ME2: variants seen among roughly 807,000 people sequenced by gnomAD.
The protein encoded by ME2 is malic enzyme 2.
In ME2, 60 loss-of-function variants were observed where a neutral mutation model predicts 73.7. That is an observed-to-expected ratio of 0.81 (90% CI 0.66 to 1.01). The LOEUF is 1.01. Ranked by LOEUF, ME2 falls within the 50% of genes least tolerant of loss-of-function variation. ME2 has a pLI of 0.00. For missense variants in ME2, 594 were observed against 705.5 expected (o/e 0.84, Z 1.79); for synonymous variants, 199 against 236.9 (o/e 0.84, Z 1.47).
intron 3 of ME2, among the ~76,000 whole-genome samples, chr18:50,911,131 C>A (rs752479829): frequency 1.2e-4 from 18 of 152,222 alleles, no homozygotes; most frequent in Non-Finnish European, 2.2e-4. Context: ...TTGAGGAGAT[C>A]CATGACTTGT....
In ME2 at chr18:50,950,915, A is replaced by G. The variant is rs1030192472; in HGVS notation, c.*3731A>G. ...CAGTTCTTTAGCGTTTATGTGTCATATACTTCAAGTTACATGAAAAAGATC... is the reference window on the plus strand; with the variant it reads ...CAGTTCTTTAGCGTTTATGTGTCATGTACTTCAAGTTACATGAAAAAGATC... On this transcript the variant is annotated 3_prime_UTR_variant, in exon 16 of 16. Transcript: ENST00000321341. The G allele has an allele frequency of 6.6e-6, 1 of 152,228 alleles. No homozygotes were observed. Among genetic ancestry groups the G allele is most frequent in the South Asian group, 2.1e-4 (1 of 4,832 alleles). 9.4% of individuals were successfully genotyped at this position (152,228 alleles called of 1,614,324 possible). A position where few individuals can be genotyped will look rare whatever the true frequency, so the allele number is the denominator to read the frequency against.
chr18:50,919,122 A>G (rs1487592710), intron 7 of ME2, among the ~76,000 whole-genome samples: 6 of 151,982 alleles, frequency 3.9e-5, no homozygotes, highest in Non-Finnish European at 7.4e-5. Context: ...CCTGTTTTCC[A>G]TTGCCGCAAT....
chr18:50,941,552 T>TTA (rs1917961041), intron 15 of ME2, among the ~76,000 whole-genome samples: 7 of 151,082 alleles, frequency 4.6e-5, no homozygotes, highest in Admixed American at 2.6e-4. Flanking sequence ...TTTTTGTATT[T>TTA]TTAGTAGAGA....
At position 50,940,281 on chromosome 18, in the gene ME2, T is replaced by C. The variant is rs767323013; in HGVS notation, c.1489-7T>C. 2 of 1,592,440 alleles carry C rather than the reference T, an allele frequency of 1.3e-6. No individual in the cohort carries two copies. Among genetic ancestry groups the C allele is most frequent in the South Asian group, 2.3e-5 (2 of 86,608 alleles). The stretch of plus-strand genomic sequence containing the variant: ...AAACAAAAGCAAAATGCTGTTTTTC[T>C]CTTCAGGCCCTGACAAGCCAATTGA... On this transcript the variant is annotated splice_polypyrimidine_tract_variant and splice_region_variant and intron_variant, in intron 14 of 15. Coordinates refer to ENST00000321341, the MANE Select transcript of ME2 (RefSeq NM_002396.5).
chr18:50,880,095 A>G (rs890194992), intron 1 of ME2, among the ~76,000 whole-genome samples: 7 of 152,222 alleles, frequency 4.6e-5, no homozygotes, highest in African/African-American at 1.4e-4. Flanking sequence ...AGAGGTTAAT[A>G]GCATTGCTAT....
Position 50,917,363 on chromosome 18 carries a change from A to G in ME2, c.485A>G (p.Asp162Gly). The G allele has an allele frequency of 6.2e-7, 1 of 1,613,376 alleles. No homozygotes were observed. The highest frequency in any genetic ancestry group is 8.5e-7 in the Non-Finnish European group (1 of 1,179,558). ...GTGATTAAGGCTGTTGTAGTGACTG[A>G]TGGAGAGAGAATTCTGGGTCTTGGA... ...ENHVKAVVVTDGERILGLGDL... is the reference protein window; with the variant it reads ...ENHVKAVVVTGGERILGLGDL... Residue 162 changes from aspartate to glycine, a missense_variant, in exon 6 of 16, where the codon GAT becomes GGT. Physicochemically the swap from Asp to Gly is moderately conservative, Grantham distance 94. Coordinates refer to ENST00000321341, the MANE Select transcript of ME2 (RefSeq NM_002396.5).
Position 50,912,857 on chromosome 18 carries a change from T to C in ME2, c.299T>C (p.Leu100Pro), listed in dbSNP as rs754706662. ...AATGAGAAATTGTTTTATAGAATAC[T>C]GCAAGATGACATTGAGAGTTTAATG... ...ERNEKLFYRI[L>P]QDDIESLMPI... The change falls in exon 4 of 16, where the codon CTG becomes CCG. Residue 100 changes from leucine to proline, a missense_variant. Leu to Pro is a moderately conservative substitution (Grantham distance 98). Coordinates refer to ENST00000321341, the MANE Select transcript of ME2 (RefSeq NM_002396.5). 6.2e-7 allele frequency: 1 copy of C among 1,608,964 alleles called. No homozygotes were observed.
chr18:50,938,716 T>C (rs1170613502), intron 13 of ME2, among the ~76,000 whole-genome samples: 2 of 151,676 alleles, frequency 1.3e-5, no homozygotes, highest in African/African-American at 4.8e-5. Context: ...GATAAAGGGG[T>C]TTTCTAGGAT....
intron 13 of ME2, 29 bp from the exon 14 acceptor site, chr18:50,939,540 CA>C: frequency 6.8e-7 from 1 of 1,470,538 alleles, no homozygotes; most frequent in Non-Finnish European, 9.5e-7. Flanking sequence ...GAAAAGTGAC[CA>C]TACTAGTAAA....
At chr18:50,904,830 T>C (rs1028170966) in intron 2 of ME2, among the ~76,000 whole-genome samples, 6 of 69,970 alleles carry the variant, frequency 8.6e-5, no homozygotes, top group African/African-American at 2.3e-4. Flanking sequence ...ATACTTGGAG[T>C]TGTTGAGCTT....
At position 50,917,428 on chromosome 18, in the gene ME2, CTTTG is replaced by C. The variant is rs781335627; in HGVS notation, c.556_559del (p.Leu186IlefsTer27). 2.5e-6 allele frequency: 4 copies of C among 1,613,598 alleles called. No homozygotes were observed. Among genetic ancestry groups the C allele is most frequent in the East Asian group, 4.5e-5 (2 of 44,838 alleles). On this transcript the variant is annotated frameshift_variant, in exon 6 of 16. Transcript: ENST00000321341. LOFTEE classifies it high-confidence loss of function. ...TGGAATGGGAATTCCAGTAGGAAAACTTTGTTTGTATACAGCTTGTGCAGGAATA... is the reference window on the plus strand; with the variant it reads ...TGGAATGGGAATTCCAGTAGGAAAACTTTGTATACAGCTTGTGCAGGAATA...
intron 2 of ME2, among the ~76,000 whole-genome samples, chr18:50,905,656 C>T (rs1917001195): frequency 6.6e-6 from 1 of 152,188 alleles, no homozygotes; most frequent in African/African-American, 2.4e-5. Context: ...GAAGTGGGGG[C>T]TTCCAGGTTA....
intron 1 of ME2, among the ~76,000 whole-genome samples, chr18:50,886,789 C>A (rs1165878372): frequency 6.6e-6 from 1 of 151,902 alleles, no homozygotes; most frequent in Non-Finnish European, 1.5e-5. Flanking sequence ...TCAATTGAGG[C>A]CAGGAGTTTG....
intron 2 of ME2, among the ~76,000 whole-genome samples, chr18:50,902,756 A>G (rs1916922699): frequency 6.6e-6 from 1 of 152,228 alleles, no homozygotes; most frequent in African/African-American, 2.4e-5. Flanking sequence ...TTTTAAGATT[A>G]TAACATATAC....
At chr18:50,933,783 G>T (rs528282254) in intron 13 of ME2, 2 of 152,128 alleles carry the variant, frequency 1.3e-5, no homozygotes, top group South Asian at 4.2e-4. Flanking sequence ...CATGCTACCC[G>T]ATAGGTAGTT....
chr18:50,892,722 T>C (rs978426434), intron 1 of ME2, among the ~76,000 whole-genome samples: 4 of 152,216 alleles, frequency 2.6e-5, no homozygotes, highest in African/African-American at 4.8e-5. Flanking sequence ...GTGGCAGTTA[T>C]ATCATCTGCA....
chr18:50,881,525 A>AT (rs2144172198), intron 1 of ME2, among the ~76,000 whole-genome samples: 1 of 152,328 alleles, frequency 6.6e-6, no homozygotes, highest in East Asian at 1.9e-4. Flanking sequence ...ACCTCCTTTG[A>AT]TCAATATGTA....
intron 15 of ME2, among the ~76,000 whole-genome samples, chr18:50,941,353 C>CTTTT (rs57428974): frequency 0.011 from 724 of 63,852 alleles, 126 homozygotes; most frequent in African/African-American, 0.033. Flanking sequence ...GTGATGGTTT[C>CTTTT]TTTTTTTTTT....
At position 50,897,241 on chromosome 18, in the gene ME2, C is replaced by T. The variant is rs186349534; in HGVS notation, c.108+1313C>T. Among the ~76,000 whole-genome samples, 3 of 152,230 alleles carry T rather than the reference C, an allele frequency of 2.0e-5. No homozygotes were observed. In the East Asian group the frequency reaches 5.8e-4, roughly 29 times the overall value. On this transcript the variant is annotated intron_variant, in intron 2 of 15. Coordinates refer to ENST00000321341, the MANE Select transcript of ME2 (RefSeq NM_002396.5). ...TTGGGCAGGGACCATTCAAATACTT[C>T]TGTGTATCTTTTACAGTGCTATGGG...
Sources: allele counts gnomAD v4.1 joint callset (sites outside exome capture counted in the v4.1 genomes callset), GRCh38; gene constraint gnomAD v4.1.1; transcripts MANE v1.5; gene names NCBI Gene and HGNC (gene_info 2026-07-23, HGNC 2026-07-21).